The following XKR6 variants were observed in gnomAD, a reference collection of about 807,000 sequenced individuals.
XKR6 encodes XK-related protein 6.
A neutral mutation model predicts 56.7 loss-of-function variants in XKR6; 22 were observed. That is an observed-to-expected ratio of 0.39 (90% CI 0.28 to 0.55). The LOEUF (loss-of-function observed/expected upper bound fraction) is 0.55, where lower values mean the gene tolerates loss of function less well. Ranked by LOEUF, XKR6 falls within the 20% of genes least tolerant of loss-of-function variation. The probability of loss-of-function intolerance (pLI) is 0.66; values close to 1 mark genes in which losing one functional copy is unlikely to be tolerated. For synonymous variants in XKR6, 524 were observed against 387.8 expected (o/e 1.35, Z -4.13); for missense variants, 852 against 889.0 (o/e 0.96, Z 0.53).
At chr8:10,978,063 A>T (rs1802620352) in intron 1 of XKR6, among the ~76,000 whole-genome samples, 1 of 152,102 alleles carries the variant, frequency 6.6e-6, no homozygotes, top group African/African-American at 2.4e-5. Flanking sequence ...TTTCATCAGC[A>T]GGAATGATGG....
intron 1 of XKR6, among the ~76,000 whole-genome samples, chr8:11,155,028 C>T (rs1183930168): frequency 6.6e-6 from 1 of 152,200 alleles, no homozygotes; most frequent in South Asian, 2.1e-4. Context: ...ATCCGAGCTG[C>T]GTTAGAGATT....
intron 1 of XKR6, among the ~76,000 whole-genome samples, chr8:11,178,547 A>ATATATATATATATATAT (rs1802779230): frequency 1.4e-4 from 12 of 88,484 alleles, no homozygotes; most frequent in African/African-American, 4.1e-4. Context: ...GAGAGGTAAA[A>ATATATATATATATATAT]ATATATATAT....
intron 1 of XKR6, among the ~76,000 whole-genome samples, chr8:11,024,906 C>T (rs1049504677): frequency 4.3e-4 from 65 of 152,366 alleles, no homozygotes; most frequent in African/African-American, 1.4e-3. Context: ...GAGACAGCAC[C>T]TGTGACTGGC....
At chr8:11,097,583 G>A (rs773615272) in intron 1 of XKR6, among the ~76,000 whole-genome samples, 5 of 151,690 alleles carry the variant, frequency 3.3e-5, no homozygotes, top group Admixed American at 6.6e-5. Flanking sequence ...CGGGGTGGGC[G>A]TATCAACCGA....
chr8:10,976,985 T>C (rs1034731712), intron 1 of XKR6, among the ~76,000 whole-genome samples: 2 of 151,874 alleles, frequency 1.3e-5, no homozygotes, highest in Non-Finnish European at 2.9e-5. Flanking sequence ...CCCCAGCCCA[T>C]CCCACCACAA....
At chr8:10,900,858 T>TTTTA (rs1320565747) in intron 2 of XKR6, among the ~76,000 whole-genome samples, 3 of 648 alleles carry the variant, frequency 4.6e-3, no homozygotes, top group Non-Finnish European at 0.022. Flanking sequence ...TGCAATTACC[T>TTTTA]TTTTTTTTTT....
chr8:10,933,267 G>C (rs1409408064), intron 1 of XKR6, among the ~76,000 whole-genome samples: 1 of 101,700 alleles, frequency 9.8e-6, no homozygotes, highest in African/African-American at 5.0e-5. Context: ...TTGTAAATTT[G>C]TTTGAGTTCA....
chr8:11,014,910 G>C (rs1798584179), intron 1 of XKR6, among the ~76,000 whole-genome samples: 1 of 152,202 alleles, frequency 6.6e-6, no homozygotes, highest in African/African-American at 2.4e-5. Flanking sequence ...GTCTCAGAGA[G>C]AAAAGCTATG....
At chr8:11,123,918 C>T in intron 1 of XKR6, 5 of 456,190 alleles carry the variant, frequency 1.1e-5, no homozygotes, top group Non-Finnish European at 2.2e-5. Flanking sequence ...TCATGATGTT[C>T]TTGGCTTGCC....
rs199653673 is a variant in XKR6, at chr8:11,052,722, CCT to C, written c.765-127894_765-127893del. Among the ~76,000 whole-genome samples, 1,040 of 151,604 alleles carry C rather than the reference CCT, an allele frequency of 6.9e-3. 12 individuals carry two copies. The highest frequency in any genetic ancestry group is 0.024 in the African/African-American group (1,007 of 41,182). ...TCTCTTCCCCACCCCCACCCCGACC[CCT>C]GTTTCCAGTTGGAATGGCCTTGCCC... On this transcript the variant is annotated intron_variant, in intron 1 of 2. Transcript: ENST00000416569.
chr8:11,130,593 G>T (rs1318300817), intron 1 of XKR6, among the ~76,000 whole-genome samples: 1 of 151,628 alleles, frequency 6.6e-6, no homozygotes, highest in Non-Finnish European at 1.5e-5. Flanking sequence ...TGGCTAAGAC[G>T]GCCTTTTCTC....
Position 10,966,845 on chromosome 8 carries a change from T to G in XKR6, c.765-42015A>C, listed in dbSNP as rs371734297. Among the ~76,000 whole-genome samples the G allele has an allele frequency of 2.2e-4, 34 of 152,260 alleles. No homozygotes were observed. The South Asian group carries it at 7.1e-3, about 32-fold the overall frequency. ...GTCTGAGAAGCCGTGGTCTAAACCTTGGCCACCTGTGAGAATCACCTGACG... is the reference window on the plus strand; with the variant it reads ...GTCTGAGAAGCCGTGGTCTAAACCTGGGCCACCTGTGAGAATCACCTGACG... On this transcript the variant is annotated intron_variant, in intron 1 of 2. Transcript: ENST00000416569.
At chr8:10,976,755 C>A (rs1459328681) in intron 1 of XKR6, among the ~76,000 whole-genome samples, 1 of 1,572 alleles carries the variant, frequency 6.4e-4, no homozygotes, top group African/African-American at 6.9e-4. Flanking sequence ...CCTCGCCTGT[C>A]TCTCTCTCTC....
chr8:11,195,058 G>A lies in XKR6; in HGVS notation c.764+5518C>T, dbSNP rs913120227. 8.7e-6 allele frequency: 6 copies of A among 687,734 alleles called. No homozygotes were observed. The African/African-American group carries it at 8.9e-5, about 10-fold the overall frequency. The allele number at this position is 687,734 out of a possible 1,614,324, so 42.6% of individuals were successfully genotyped here. A position where few individuals can be genotyped will look rare whatever the true frequency, so the allele number is the denominator to read the frequency against. ...TTCTCTTCTTATTCATTCTCCTGGA[G>A]GAAGTATCTCTGTCTCAATTTAACC... On this transcript the variant is annotated intron_variant, in intron 1 of 2. Transcript: ENST00000416569.
intron 1 of XKR6, among the ~76,000 whole-genome samples, chr8:11,164,898 G>T (rs2117023896): frequency 6.6e-6 from 1 of 152,214 alleles, no homozygotes; most frequent in South Asian, 2.1e-4. Flanking sequence ...TTACAAATCT[G>T]TGAAACAAAG....
intron 1 of XKR6, among the ~76,000 whole-genome samples, chr8:11,197,514 C>T (rs1162284492): frequency 6.6e-6 from 1 of 152,236 alleles, no homozygotes; most frequent in African/African-American, 2.4e-5. Context: ...GTGACTCCTG[C>T]TCCTGGAATA....
intron 1 of XKR6, among the ~76,000 whole-genome samples, chr8:11,092,656 C>CT (rs1223785839): frequency 5.9e-5 from 9 of 152,206 alleles, no homozygotes; most frequent in Admixed American, 2.0e-4. Flanking sequence ...GCAAGAAAGG[C>CT]TGAGTAAAGC....
intron 1 of XKR6, among the ~76,000 whole-genome samples, chr8:11,161,231 C>T (rs1266864344): frequency 6.6e-6 from 1 of 152,170 alleles, no homozygotes; most frequent in African/African-American, 2.4e-5. Flanking sequence ...TATCTCCCTC[C>T]CTCCAATCTA....
chr8:10,920,794 G>C (rs558331863), intron 2 of XKR6, among the ~76,000 whole-genome samples: 87 of 152,212 alleles, frequency 5.7e-4, no homozygotes, highest in Non-Finnish European at 1.1e-3. Flanking sequence ...CTCATTCTTG[G>C]CTTAGAGATC....
Sources: gnomAD v4.1 joint callset for allele counts (sites outside exome capture counted in the v4.1 genomes callset) on GRCh38, gnomAD v4.1.1 for gene constraint, MANE v1.5 for transcripts, NCBI Gene and HGNC (gene_info 2026-07-23, HGNC 2026-07-21) for gene names.